STAG1: variants seen among roughly 807,000 people sequenced by gnomAD.
STAG1 encodes the protein STAG1 cohesin complex component, also known as cohesin subunit SA-1.
In STAG1, 26 loss-of-function variants were observed where a neutral mutation model predicts 170.9. The observed-to-expected ratio is 0.15, with a 90% CI of 0.11 to 0.21. STAG1 has a LOEUF of 0.21. Among genes scored for constraint, STAG1 ranks in the 10% least tolerant of loss-of-function variants. STAG1 has a pLI of 1.00. For synonymous variants in STAG1, 514 were observed against 497.7 expected, an observed-to-expected ratio of 1.03 and a Z score of -0.44; for missense variants, 964 against 1,509.5, an observed-to-expected ratio of 0.64 and a Z score of 5.99.
intron 21 of STAG1, among the ~76,000 whole-genome samples, chr3:136,399,586 T>C (rs1376508518): frequency 6.6e-6 from 1 of 152,214 alleles, no homozygotes; most frequent in Non-Finnish European, 1.5e-5. Context: ...CCGTGTAATA[T>C]TTAGAATACT....
chr3:136,705,101 C>T (rs986786710), intron 1 of STAG1, among the ~76,000 whole-genome samples: 6 of 151,002 alleles, frequency 4.0e-5, no homozygotes, highest in Non-Finnish European at 5.9e-5. Flanking sequence ...CCTGGCCAGG[C>T]GCAGTGGCTC....
At chr3:136,748,650 C>T (rs1429299329) in intron 1 of STAG1, among the ~76,000 whole-genome samples, 6 of 152,146 alleles carry the variant, frequency 3.9e-5, no homozygotes, top group Non-Finnish European at 5.9e-5. Context: ...GATCCACCCA[C>T]CTCGGCCTCC....
chr3:136,373,986 G>C (rs1937483429), intron 23 of STAG1, among the ~76,000 whole-genome samples: 1 of 152,132 alleles, frequency 6.6e-6, no homozygotes, highest in South Asian at 2.1e-4. Flanking sequence ...AAGTCTCTTT[G>C]TAGGTCACTA....
chr3:136,725,082 T>A (rs901185180), intron 1 of STAG1, among the ~76,000 whole-genome samples: 5 of 152,212 alleles, frequency 3.3e-5, no homozygotes, highest in African/African-American at 9.6e-5. Flanking sequence ...TAAAGTATTA[T>A]AATTGCAAAT....
chr3:136,376,046 T>TAAAATAAAATAAAATAAAATAAAAC (rs1195641388), intron 23 of STAG1, among the ~76,000 whole-genome samples: 2 of 148,500 alleles, frequency 1.3e-5, no homozygotes, highest in East Asian at 2.0e-4. Context: ...TAAAATAAAA[T>TAAAATAAAATAAAATAAAATAAAAC]AAAACAAAAT....
intron 7 of STAG1, among the ~76,000 whole-genome samples, chr3:136,508,260 T>C (rs1003736344): frequency 2.0e-5 from 3 of 152,196 alleles, no homozygotes; most frequent in East Asian, 1.9e-4. Context: ...ATATTTTGTA[T>C]GGTTAACACC....
chr3:136,444,488 C>T (rs956393184), intron 14 of STAG1, among the ~76,000 whole-genome samples: 1 of 152,318 alleles, frequency 6.6e-6, no homozygotes, highest in South Asian at 2.1e-4. Flanking sequence ...AAAAGATCTT[C>T]CACTTTTGAG....
At chr3:136,637,319 T>C (rs1439927577) in intron 1 of STAG1, among the ~76,000 whole-genome samples, 1 of 152,134 alleles carries the variant, frequency 6.6e-6, no homozygotes, top group Non-Finnish European at 1.5e-5. Flanking sequence ...GATAAATAAG[T>C]AGGAAACATT....
chr3:136,440,282 C>T (rs763084344), intron 15 of STAG1, among the ~76,000 whole-genome samples: 3 of 152,004 alleles, frequency 2.0e-5, no homozygotes, highest in African/African-American at 4.8e-5. Flanking sequence ...GGACTACAGG[C>T]GCCCGCCACC....
At chr3:136,654,545 A>C (rs1051642648) in intron 1 of STAG1, among the ~76,000 whole-genome samples, 2 of 152,240 alleles carry the variant, frequency 1.3e-5, no homozygotes, top group African/African-American at 2.4e-5. Flanking sequence ...TTTTAAATGT[A>C]TCAATACTAC....
chr3:136,474,899 A>G (rs545380249), intron 10 of STAG1, among the ~76,000 whole-genome samples: 31 of 152,124 alleles, frequency 2.0e-4, no homozygotes, highest in Admixed American at 2.0e-3. Context: ...GTTATGCTCC[A>G]TCTTTCCTCT....
At chr3:136,605,119 C>T (rs1449095321) in intron 3 of STAG1, among the ~76,000 whole-genome samples, 2 of 152,304 alleles carry the variant, frequency 1.3e-5, no homozygotes, top group Middle Eastern at 3.4e-3. Flanking sequence ...TATTCAACTT[C>T]TACCCCTACT....
intron 23 of STAG1, among the ~76,000 whole-genome samples, chr3:136,371,415 C>T (rs1937332891): frequency 6.6e-6 from 1 of 152,206 alleles, no homozygotes; most frequent in African/African-American, 2.4e-5. Context: ...GTGTTTTAGA[C>T]ATGAAGTCCT....
chr3:136,682,318 C>T (rs940599822), intron 1 of STAG1, among the ~76,000 whole-genome samples: 4 of 151,298 alleles, frequency 2.6e-5, no homozygotes, highest in African/African-American at 9.7e-5. Flanking sequence ...CCAGCTACTC[C>T]GAAGGCTGAA....
At chr3:136,565,477 T>C (rs1291757164) in intron 5 of STAG1, among the ~76,000 whole-genome samples, 1 of 152,230 alleles carries the variant, frequency 6.6e-6, no homozygotes, top group Non-Finnish European at 1.5e-5. Flanking sequence ...CACAGTTAGA[T>C]ACCACTTTAT....
chr3:136,542,869 T>C (rs948070435), intron 5 of STAG1, among the ~76,000 whole-genome samples: 15 of 152,246 alleles, frequency 9.9e-5, no homozygotes, highest in African/African-American at 3.4e-4. Flanking sequence ...AAGAGGCATC[T>C]AGAGGTTTAG....
At chr3:136,528,061 G>A (rs1935152709) in intron 6 of STAG1, among the ~76,000 whole-genome samples, 1 of 152,194 alleles carries the variant, frequency 6.6e-6, no homozygotes, top group Non-Finnish European at 1.5e-5. Flanking sequence ...CAGTCTGTCT[G>A]TTCTCAGATC....
At chr3:136,401,311 A>G (rs566885284) in intron 21 of STAG1, among the ~76,000 whole-genome samples, 1 of 152,314 alleles carries the variant, frequency 6.6e-6, no homozygotes, top group Admixed American at 6.5e-5. Flanking sequence ...GTTCTCTTTT[A>G]CGTTGTAATC....
chr3:136,371,056 T>C (rs1190953053), intron 23 of STAG1, among the ~76,000 whole-genome samples: 2 of 152,108 alleles, frequency 1.3e-5, no homozygotes, highest in African/African-American at 2.4e-5. Context: ...CCATTCTAAC[T>C]GGTGTGAGAT....
Sources: allele counts gnomAD v4.1 joint callset (sites outside exome capture counted in the v4.1 genomes callset), GRCh38; gene constraint gnomAD v4.1.1; transcripts MANE v1.5; gene names NCBI Gene and HGNC (gene_info 2026-07-23, HGNC 2026-07-21).